MAP2K1: variants seen among roughly 807,000 people sequenced by gnomAD.
MAP2K1 encodes dual specificity mitogen-activated protein kinase kinase 1.
In MAP2K1, 16 loss-of-function variants were observed where a neutral mutation model predicts 46.3. The observed-to-expected ratio is 0.35, with a 90% CI of 0.23 to 0.52. The LOEUF (loss-of-function observed/expected upper bound fraction) is 0.52. Ranked by LOEUF, MAP2K1 falls within the 20% of genes least tolerant of loss-of-function variation. The pLI is 0.94. For missense variants in MAP2K1, 263 were observed against 497.1 expected, an observed-to-expected ratio of 0.53 and a Z score of 4.48; for synonymous variants, 183 against 185.6, an observed-to-expected ratio of 0.99 and a Z score of 0.11.
chr15:66,448,961 G>A (rs751634054), intron 5 of MAP2K1, among the ~76,000 whole-genome samples: 18 of 120,470 alleles, frequency 1.5e-4, no homozygotes, highest in South Asian at 8.5e-4. Context: ...CTGAGATTGC[G>A]CCACTGCACT....
At chr15:66,399,449 C>T (rs2093376340) in intron 1 of MAP2K1, among the ~76,000 whole-genome samples, 1 of 149,670 alleles carries the variant, frequency 6.7e-6, no homozygotes, top group South Asian at 2.1e-4. Context: ...TCCCCTCCCA[C>T]CCCCTCTTTT....
intron 1 of MAP2K1, among the ~76,000 whole-genome samples, chr15:66,413,026 G>T (rs1380853156): frequency 1.3e-5 from 2 of 152,076 alleles, no homozygotes; most frequent in African/African-American, 4.8e-5. Flanking sequence ...CTCTAAAGTA[G>T]CTGGGACTAC....
intron 5 of MAP2K1, among the ~76,000 whole-genome samples, chr15:66,480,946 G>A (rs1194415600): frequency 3.9e-5 from 6 of 152,164 alleles, no homozygotes; most frequent in Admixed American, 1.3e-4. Flanking sequence ...AGGATACAGC[G>A]GAAGAAAAAA....
intron 5 of MAP2K1, among the ~76,000 whole-genome samples, chr15:66,465,807 T>C (rs1231464937): frequency 6.6e-6 from 1 of 152,256 alleles, no homozygotes; most frequent in Non-Finnish European, 1.5e-5. Flanking sequence ...TGCTTTATTA[T>C]ACTTGGACAG....
At chr15:66,397,142 C>T (rs1433882289) in intron 1 of MAP2K1, among the ~76,000 whole-genome samples, 12 of 151,266 alleles carry the variant, frequency 7.9e-5, no homozygotes, top group Admixed American at 7.3e-4. Context: ...GTAGCTGGGA[C>T]TACAGGCGCC....
At chr15:66,478,034 C>T (rs1595882926) in intron 5 of MAP2K1, among the ~76,000 whole-genome samples, 2 of 152,042 alleles carry the variant, frequency 1.3e-5, no homozygotes, top group African/African-American at 4.8e-5. Context: ...TGGGCTCTGT[C>T]CTAACACTAG....
chr15:66,463,813 C>T (rs886103422), intron 5 of MAP2K1, among the ~76,000 whole-genome samples: 8 of 152,212 alleles, frequency 5.3e-5, no homozygotes, highest in East Asian at 1.9e-4. Context: ...TTTAGGGAGT[C>T]GTGAGACATC....
intron 1 of MAP2K1, among the ~76,000 whole-genome samples, chr15:66,408,127 T>C (rs1300778035): frequency 6.6e-6 from 1 of 152,258 alleles, no homozygotes; most frequent in Non-Finnish European, 1.5e-5. Context: ...TCATACACTC[T>C]GTGTGTAAAC....
chr15:66,425,924 C>T (rs1312770193), intron 1 of MAP2K1, among the ~76,000 whole-genome samples: 1 of 152,158 alleles, frequency 6.6e-6, no homozygotes, highest in Non-Finnish European at 1.5e-5. Context: ...TCAGGGCCTT[C>T]CACATAGAGG....
intron 1 of MAP2K1, among the ~76,000 whole-genome samples, chr15:66,408,570 G>A (rs1025740268): frequency 1.3e-5 from 2 of 152,030 alleles, no homozygotes; most frequent in Admixed American, 6.6e-5. Context: ...TGTGTTGGGC[G>A]GGGGTCAAGA....
chr15:66,389,151 C>T (rs970629878), intron 1 of MAP2K1, among the ~76,000 whole-genome samples: 1 of 151,764 alleles, frequency 6.6e-6, no homozygotes, highest in African/African-American at 2.4e-5. Flanking sequence ...GGTGATCCAC[C>T]TGCCTCGGCC....
intron 1 of MAP2K1, among the ~76,000 whole-genome samples, chr15:66,432,244 T>C (rs1399058067): frequency 1.3e-5 from 2 of 152,280 alleles, no homozygotes; most frequent in East Asian, 3.9e-4. Flanking sequence ...CACCCCAGCC[T>C]ATAGTCTTTG....
intron 5 of MAP2K1, among the ~76,000 whole-genome samples, chr15:66,454,591 T>C (rs184187622): frequency 1.3e-5 from 2 of 152,276 alleles, no homozygotes; most frequent in Non-Finnish European, 2.9e-5. Context: ...AATTTATTCA[T>C]TAGAAGGATC....
chr15:66,435,474 C>T (rs1402210489), intron 2 of MAP2K1, among the ~76,000 whole-genome samples: 4 of 151,468 alleles, frequency 2.6e-5, no homozygotes, highest in African/African-American at 9.7e-5. Flanking sequence ...TACAGGCATG[C>T]GCCACCATGC....
intron 5 of MAP2K1, among the ~76,000 whole-genome samples, chr15:66,476,768 G>A (rs1308221687): frequency 6.6e-6 from 1 of 152,218 alleles, no homozygotes; most frequent in African/African-American, 2.4e-5. Flanking sequence ...GTAGGCGGGG[G>A]GAGGGAGAAG....
intron 1 of MAP2K1, among the ~76,000 whole-genome samples, chr15:66,398,603 G>A (rs545229253): frequency 6.6e-6 from 1 of 151,434 alleles, no homozygotes; most frequent in East Asian, 2.0e-4. Flanking sequence ...AGTTAGCTAT[G>A]ATTGTACCAC....
chr15:66,438,019 CT>C lies in MAP2K1; in HGVS notation c.438+1143del, dbSNP rs58085335. 7.4e-3 allele frequency among the ~76,000 whole-genome samples: 875 copies of C among 117,764 alleles called. 6 individuals carry two copies. Among genetic ancestry groups the C allele is most frequent in the African/African-American group, 0.021 (669 of 31,194 alleles). 77.3% of individuals were successfully genotyped at this position (117,764 alleles called of 152,430 possible). A position where few individuals can be genotyped will look rare whatever the true frequency, so the allele number is the denominator to read the frequency against. ...TCTTATCCCTTGGGTCTCTTGTGTT[CT>C]TTTTTTTTTTTTTTTAATTTATTTT... On this transcript the variant is annotated intron_variant, in intron 3 of 10. Coordinates refer to ENST00000307102, the MANE Select transcript of MAP2K1 (RefSeq NM_002755.4).
At chr15:66,466,922 A>G (rs182175075) in intron 5 of MAP2K1, among the ~76,000 whole-genome samples, 2 of 152,288 alleles carry the variant, frequency 1.3e-5, no homozygotes, top group East Asian at 3.9e-4. Flanking sequence ...TAAAGTTATC[A>G]GAAGCCTGTA....
rs534444652 is a variant in MAP2K1, at chr15:66,412,436, T to C, written c.81-22591T>C. Among the ~76,000 whole-genome samples, 432 of 152,282 alleles carry C rather than the reference T, an allele frequency of 2.8e-3. 4 individuals carry two copies. The highest frequency in any genetic ancestry group is 0.01 in the African/African-American group (424 of 41,550). On this transcript the variant is annotated intron_variant, in intron 1 of 10. Transcript: ENST00000307102. ...AGCTGAACTCAGCAATTTTTAGACT[T>C]CAGTTTTCTGGACAGGACAGCTCTT...
Sources: gnomAD v4.1 joint callset for allele counts (sites outside exome capture counted in the v4.1 genomes callset) on GRCh38, gnomAD v4.1.1 for gene constraint, MANE v1.5 for transcripts, NCBI Gene and HGNC (gene_info 2026-07-23, HGNC 2026-07-21) for gene names.